Variants in HS3ST5 observed in about 807,000 individuals in gnomAD.
The protein encoded by HS3ST5 is heparan sulfate glucosamine 3-O-sulfotransferase 5.
In HS3ST5, 10 loss-of-function variants were observed where a neutral mutation model predicts 25.4. That is an observed-to-expected ratio of 0.39 (90% CI 0.24 to 0.67). The LOEUF (loss-of-function observed/expected upper bound fraction) is 0.67, where lower values mean the gene tolerates loss of function less well. Ranked by LOEUF, HS3ST5 falls within the 30% of genes least tolerant of loss-of-function variation. The pLI is 0.44. For missense variants in HS3ST5, 324 were observed against 420.7 expected (o/e 0.77, Z 2.01); for synonymous variants, 170 against 162.4 (o/e 1.05, Z -0.36).
intron 2 of HS3ST5, among the ~76,000 whole-genome samples, chr6:114,221,856 T>C (rs1048529764): frequency 1.3e-4 from 20 of 151,810 alleles, no homozygotes; most frequent in Non-Finnish European, 1.5e-5. Flanking sequence ...TATAATAATT[T>C]AAAATTACTC....
chr6:114,331,922 T>TA (rs1167901663), intron 1 of HS3ST5, among the ~76,000 whole-genome samples: 3 of 152,070 alleles, frequency 2.0e-5, no homozygotes, highest in African/African-American at 7.2e-5. Context: ...AAGTGGCTAC[T>TA]AATAATTGGT....
At chr6:114,084,270 G>A in intron 3 of HS3ST5, 2 of 835,906 alleles carry the variant, frequency 2.4e-6, no homozygotes, top group Non-Finnish European at 4.1e-6. Flanking sequence ...ATTCAGTAGG[G>A]AACTGCTGAA....
At chr6:114,148,788 A>G (rs1184618918) in intron 3 of HS3ST5, among the ~76,000 whole-genome samples, 1 of 152,232 alleles carries the variant, frequency 6.6e-6, no homozygotes, top group East Asian at 1.9e-4. Flanking sequence ...AGAAACTAGC[A>G]TTAGAGTGAA....
At chr6:114,309,433 C>A (rs2114838449) in intron 1 of HS3ST5, among the ~76,000 whole-genome samples, 1 of 152,256 alleles carries the variant, frequency 6.6e-6, no homozygotes, top group Non-Finnish European at 1.5e-5. Flanking sequence ...AATATCCTGG[C>A]CAGGTGTGGT....
At chr6:114,223,847 A>T (rs1038451547) in intron 2 of HS3ST5, among the ~76,000 whole-genome samples, 2 of 151,756 alleles carry the variant, frequency 1.3e-5, no homozygotes, top group African/African-American at 4.8e-5. Context: ...CAATATAAAT[A>T]TTTGGCTTCA....
intron 2 of HS3ST5, among the ~76,000 whole-genome samples, chr6:114,218,287 C>T (rs9320487): frequency 0.21 from 32,237 of 152,068 alleles, 3,487 homozygotes; most frequent in East Asian, 0.26. Flanking sequence ...AGTGAGCCGC[C>T]GTGCCCGGTC....
At chr6:114,336,607 AAAT>A (rs747658514) in intron 1 of HS3ST5, among the ~76,000 whole-genome samples, 4 of 151,964 alleles carry the variant, frequency 2.6e-5, no homozygotes, top group Admixed American at 6.6e-5. Context: ...AGTCCAACTC[AAAT>A]AATAATAATA....
At chr6:114,076,585 T>A (rs975053602) in intron 3 of HS3ST5, among the ~76,000 whole-genome samples, 3 of 152,220 alleles carry the variant, frequency 2.0e-5, no homozygotes, top group African/African-American at 7.2e-5. Context: ...AGAAAGATTC[T>A]ACTGATGAGC....
intron 3 of HS3ST5, among the ~76,000 whole-genome samples, chr6:114,162,299 A>G (rs1779012761): frequency 6.6e-6 from 1 of 152,172 alleles, no homozygotes; most frequent in Non-Finnish European, 1.5e-5. Context: ...AAAAGTTTCC[A>G]AATAGGATTT....
chr6:114,273,631 T>A (rs1773723737), intron 1 of HS3ST5, among the ~76,000 whole-genome samples: 1 of 152,054 alleles, frequency 6.6e-6, no homozygotes, highest in Non-Finnish European at 1.5e-5. Flanking sequence ...TAGAGGGGTA[T>A]GGCCTCCTGA....
chr6:114,287,591 T>C (rs1413772353), intron 1 of HS3ST5, among the ~76,000 whole-genome samples: 2 of 152,092 alleles, frequency 1.3e-5, no homozygotes, highest in Non-Finnish European at 1.5e-5. Context: ...TAATCTCTTA[T>C]CACAGAAGGT....
rs1307031850 is a variant in HS3ST5 at position 114,190,440 on chromosome 6, G to A, written c.-144-21978C>T. ...CCAGCTTAAATGATTTGTTGTTATT[G>A]TCTCCTAGTGCATGCATTTTGGCTT... On this transcript the variant is annotated intron_variant, in intron 2 of 4. Coordinates refer to ENST00000312719, the MANE Select transcript of HS3ST5 (RefSeq NM_153612.4). Among the ~76,000 whole-genome samples, 4 of 152,012 alleles carry A rather than the reference G, an allele frequency of 2.6e-5. No homozygotes were observed. The East Asian group carries it at 7.7e-4, about 29-fold the overall frequency.
chr6:114,219,933 C>A (rs185699048), intron 2 of HS3ST5, among the ~76,000 whole-genome samples: 100 of 152,152 alleles, frequency 6.6e-4, no homozygotes, highest in African/African-American at 2.4e-3. Context: ...ACCAGAAAAA[C>A]CATGAAAACC....
intron 3 of HS3ST5, among the ~76,000 whole-genome samples, chr6:114,083,669 G>T (rs1394011830): frequency 6.6e-6 from 1 of 151,954 alleles, no homozygotes; most frequent in Non-Finnish European, 1.5e-5. Context: ...ATATGTCTTC[G>T]TGTAGAAATC....
intron 3 of HS3ST5, among the ~76,000 whole-genome samples, chr6:114,069,900 G>A (rs1251896157): frequency 6.6e-6 from 1 of 152,030 alleles, no homozygotes; most frequent in African/African-American, 2.4e-5. Context: ...ATATGGATAA[G>A]TCCTCTAGTG....
At chr6:114,256,967 C>T (rs947224023) in intron 1 of HS3ST5, among the ~76,000 whole-genome samples, 6 of 152,144 alleles carry the variant, frequency 3.9e-5, no homozygotes, top group African/African-American at 1.4e-4. Flanking sequence ...TGGCAGAAGG[C>T]AAAAGACACC....
chr6:114,226,272 G>A (rs1056929737), intron 2 of HS3ST5, among the ~76,000 whole-genome samples: 11 of 151,852 alleles, frequency 7.2e-5, no homozygotes, highest in African/African-American at 2.7e-4. Context: ...GTTTAATGAA[G>A]AAGAAAACAT....
chr6:114,179,506 A>AGAAG (rs1453562848), intron 2 of HS3ST5, among the ~76,000 whole-genome samples: 3 of 152,222 alleles, frequency 2.0e-5, no homozygotes, highest in African/African-American at 7.2e-5. Flanking sequence ...TGCAACTTGT[A>AGAAG]GAAGGAAGTT....
chr6:114,269,361 T>C (rs62442634), intron 1 of HS3ST5, among the ~76,000 whole-genome samples: 7,279 of 152,244 alleles, frequency 0.048, 243 homozygotes, highest in Non-Finnish European at 0.073. Context: ...AACCCCACCA[T>C]ATGTAAGACC....
Sources: gnomAD v4.1 joint callset for allele counts (sites outside exome capture counted in the v4.1 genomes callset) on GRCh38, gnomAD v4.1.1 for gene constraint, MANE v1.5 for transcripts, NCBI Gene and HGNC (gene_info 2026-07-23, HGNC 2026-07-21) for gene names.